The following SLC25A48 variants were observed in gnomAD, a reference collection of about 807,000 sequenced individuals.
SLC25A48 encodes CTC-321K16.1.
SLC25A48 carries 29 observed loss-of-function variants against 32.2 expected under a neutral mutation model. That is an observed-to-expected ratio of 0.90 (90% CI 0.67 to 1.23). The LOEUF is 1.23. SLC25A48 is among the 50% of genes most tolerant of loss of function. The pLI, the probability that SLC25A48 is intolerant of heterozygous loss-of-function variation, is 0.00. For synonymous variants in SLC25A48, 164 were observed against 172.3 expected, an observed-to-expected ratio of 0.95 and a Z score of 0.38; for missense variants, 399 against 422.7, an observed-to-expected ratio of 0.94 and a Z score of 0.49.
intron 3 of SLC25A48, among the ~76,000 whole-genome samples, chr5:135,677,087 ATCTC>A (rs1399298912): frequency 1.3e-5 from 2 of 151,922 alleles, no homozygotes; most frequent in Non-Finnish European, 2.9e-5. Context: ...TTTAGAGTCT[ATCTC>A]TTTCTTTAGA....
chr5:135,648,372 A>T (rs115858859), intron 3 of SLC25A48, among the ~76,000 whole-genome samples: 1,720 of 152,336 alleles, frequency 0.011, 40 homozygotes, highest in African/African-American at 0.039. Flanking sequence ...CTACCAAGAA[A>T]GTGCACTTAA....
At chr5:135,804,221 C>G (rs979116025) in intron 3 of SLC25A48, among the ~76,000 whole-genome samples, 2 of 151,564 alleles carry the variant, frequency 1.3e-5, no homozygotes, top group African/African-American at 4.8e-5. Flanking sequence ...TGAATAATGT[C>G]ACGAGGTGTC....
intron 4 of SLC25A48, among the ~76,000 whole-genome samples, chr5:135,871,165 G>A (rs1158971845): frequency 6.6e-6 from 1 of 151,316 alleles, no homozygotes; most frequent in African/African-American, 2.4e-5. Flanking sequence ...TGTCATAATT[G>A]ATTCTAGACA....
At chr5:135,594,363 A>G (rs1751598018) in intron 1 of SLC25A48, among the ~76,000 whole-genome samples, 1 of 152,190 alleles carries the variant, frequency 6.6e-6, no homozygotes, top group Non-Finnish European at 1.5e-5. Flanking sequence ...AAGTCCCATT[A>G]CAACCTAGAA....
intron 3 of SLC25A48, among the ~76,000 whole-genome samples, chr5:135,719,704 A>G (rs1754902285): frequency 6.6e-6 from 1 of 152,080 alleles, no homozygotes; most frequent in African/African-American, 2.4e-5. Context: ...GCTGGTCCTG[A>G]TTGCCAGCTG....
chr5:135,800,992 C>T (rs1474692500), intron 3 of SLC25A48, among the ~76,000 whole-genome samples: 1 of 151,472 alleles, frequency 6.6e-6, no homozygotes, highest in African/African-American at 2.4e-5. Context: ...GTACAACTCC[C>T]AATATCGCAG....
chr5:135,655,093 TG>T (rs1234779985), intron 3 of SLC25A48, among the ~76,000 whole-genome samples: 1 of 152,086 alleles, frequency 6.6e-6, no homozygotes, highest in Admixed American at 6.6e-5. Flanking sequence ...CTCCAGATTG[TG>T]AATAGGTTGT....
chr5:135,682,396 T>C (rs2126951223), intron 3 of SLC25A48, among the ~76,000 whole-genome samples: 1 of 152,320 alleles, frequency 6.6e-6, no homozygotes, highest in African/African-American at 2.4e-5. Context: ...TCTTGGTACT[T>C]TTCAACCTGG....
chr5:135,854,273 T>C (rs1207524388), intron 4 of SLC25A48, among the ~76,000 whole-genome samples: 1 of 152,216 alleles, frequency 6.6e-6, no homozygotes, highest in Admixed American at 6.5e-5. Flanking sequence ...AACAAGAGAG[T>C]CAGCCTGTCT....
intron 3 of SLC25A48, among the ~76,000 whole-genome samples, chr5:135,794,255 A>T (rs1171012880): frequency 6.6e-6 from 1 of 151,404 alleles, no homozygotes; most frequent in African/African-American, 2.4e-5. Flanking sequence ...GGAGTGGATG[A>T]TGTTACTCCC....
intron 3 of SLC25A48, among the ~76,000 whole-genome samples, chr5:135,785,581 C>T (rs1314432157): frequency 6.6e-6 from 1 of 150,522 alleles, no homozygotes; most frequent in African/African-American, 2.4e-5. Context: ...TAATGCTCCC[C>T]ATGGGGCGAG....
At chr5:135,836,163 G>A (rs1019668269) in intron 1 of SLC25A48, among the ~76,000 whole-genome samples, 3 of 152,124 alleles carry the variant, frequency 2.0e-5, no homozygotes, top group African/African-American at 7.2e-5. Flanking sequence ...AAAATGCCCT[G>A]GAAGGTAGGG....
intron 3 of SLC25A48, among the ~76,000 whole-genome samples, chr5:135,648,292 C>T (rs55718950): frequency 0.018 from 2,778 of 152,282 alleles, 41 homozygotes; most frequent in Non-Finnish European, 0.025. Flanking sequence ...GCAGCAGATG[C>T]TTTCAGCACC....
intron 7 of SLC25A48, among the ~76,000 whole-genome samples, chr5:135,882,646 A>T (rs1762559708): frequency 1.3e-5 from 2 of 152,132 alleles, no homozygotes; most frequent in Non-Finnish European, 2.9e-5. Context: ...ATGCGGGAAG[A>T]TCAGTGACCT....
rs1554074707 is a variant in SLC25A48, at chr5:135,782,938, A to AG, written c.-520-29580dup. On this transcript the variant is annotated intron_variant, in intron 3 of 10. Transcript: ENST00000646290. ...AAGATGATATTACTCCCAATATCGC[A>AG]GGGGGTGTGCACCCCCACTGTGATA... 9.7e-4 allele frequency among the ~76,000 whole-genome samples: 110 copies of AG among 113,076 alleles called. 9 individuals carry two copies. Among genetic ancestry groups the AG allele is most frequent in the African/African-American group, 2.7e-3 (103 of 37,920 alleles). 74.2% of individuals were successfully genotyped at this position (113,076 alleles called of 152,430 possible). A position where few individuals can be genotyped will look rare whatever the true frequency, so the allele number is the denominator to read the frequency against.
chr5:135,762,278 A>G (rs1561480509), intron 3 of SLC25A48, among the ~76,000 whole-genome samples: 1 of 152,182 alleles, frequency 6.6e-6, no homozygotes, highest in Non-Finnish European at 1.5e-5. Context: ...CATGAGGTGC[A>G]GGGAGAGGCA....
intron 4 of SLC25A48, chr5:135,827,310 C>A (rs1758087354): frequency 6.6e-6 from 1 of 152,300 alleles, no homozygotes; most frequent in Non-Finnish European, 1.5e-5. Context: ...GCTCCTCCAC[C>A]CGATGGCTGC....
intron 1 of SLC25A48, among the ~76,000 whole-genome samples, chr5:135,596,392 A>G (rs1249255377): frequency 6.6e-6 from 1 of 152,212 alleles, no homozygotes; most frequent in Non-Finnish European, 1.5e-5. Context: ...GACTTCACTC[A>G]TGGGCCAAGG....
chr5:135,873,777 A>G (rs1443389743), intron 5 of SLC25A48, among the ~76,000 whole-genome samples: 1 of 152,228 alleles, frequency 6.6e-6, no homozygotes, highest in African/African-American at 2.4e-5. Flanking sequence ...AGCCCCATAA[A>G]GATAGGTACT....
Sources: gnomAD v4.1 joint callset for allele counts (sites outside exome capture counted in the v4.1 genomes callset) on GRCh38, gnomAD v4.1.1 for gene constraint, MANE v1.5 for transcripts, NCBI Gene and HGNC (gene_info 2026-07-23, HGNC 2026-07-21) for gene names.